DAB1: variants seen among roughly 807,000 people sequenced by gnomAD.
DAB1 encodes the protein DAB adaptor protein 1.
DAB1 carries 15 observed loss-of-function variants against 64.6 expected under a neutral mutation model. That is an observed-to-expected ratio of 0.23 (90% CI 0.16 to 0.36). The LOEUF is 0.36. Ranked by LOEUF, DAB1 falls within the 10% of genes least tolerant of loss-of-function variation. The probability of loss-of-function intolerance (pLI) is 1.00; values close to 1 mark genes in which losing one functional copy is unlikely to be tolerated. For synonymous variants in DAB1, 235 were observed against 251.9 expected, an observed-to-expected ratio of 0.93 and a Z score of 0.64; for missense variants, 596 against 706.7, an observed-to-expected ratio of 0.84 and a Z score of 1.78.
At chr1:57,144,074 A>T (rs1201159056) in intron 3 of DAB1, among the ~76,000 whole-genome samples, 1 of 151,862 alleles carries the variant, frequency 6.6e-6, no homozygotes. Flanking sequence ...GTAAAACCAC[A>T]AAAAGAACTT....
At position 57,583,429 on chromosome 1, in the gene DAB1, C is replaced by A. The variant is rs541703924; in HGVS notation, n.625+66163G>T. 3.9e-4 allele frequency among the ~76,000 whole-genome samples: 59 copies of A among 151,570 alleles called. No individual in the cohort carries two copies. The South Asian group carries it at 7.3e-3, about 19-fold the overall frequency. The stretch of plus-strand genomic sequence containing the variant: ...AGCCTCCCAAGTAGCTGGGACTACA[C>A]GCGCGCGCCAATATGCCCAGCTAAT... On this transcript the variant is annotated intron_variant and non_coding_transcript_variant, in intron 7 of 20. Transcript: ENST00000485760.
chr1:58,222,280 G>GA (rs200731496), intron 4 of DAB1, among the ~76,000 whole-genome samples: 47 of 148,862 alleles, frequency 3.2e-4, no homozygotes, highest in Admixed American at 8.0e-4. Flanking sequence ...TATACATTTT[G>GA]AAAAAAAAAA....
intron 5 of DAB1, among the ~76,000 whole-genome samples, chr1:57,936,711 A>T (rs1314243442): frequency 2.0e-5 from 3 of 151,578 alleles, no homozygotes; most frequent in Non-Finnish European, 2.9e-5. Context: ...TTTTAGATGG[A>T]GTCTCGCACT....
intron 7 of DAB1, among the ~76,000 whole-genome samples, chr1:57,530,537 T>C (rs989973676): frequency 6.6e-6 from 1 of 152,170 alleles, no homozygotes; most frequent in Non-Finnish European, 1.5e-5. Flanking sequence ...AAATTAAATA[T>C]GATATTTATG....
chr1:57,388,116 T>G (rs1682038353), intron 1 of DAB1, among the ~76,000 whole-genome samples: 1 of 152,228 alleles, frequency 6.6e-6, no homozygotes. Context: ...TATTCTTGCA[T>G]GCATTTTCCT....
intron 5 of DAB1, 48 bp from the exon 6 acceptor site, chr1:57,071,689 C>A (rs368753522): frequency 8.3e-6 from 13 of 1,569,162 alleles, no homozygotes; most frequent in Admixed American, 4.3e-5. Context: ...GGTACTGAGA[C>A]GCAGCAACAA....
intron 5 of DAB1, among the ~76,000 whole-genome samples, chr1:57,967,339 C>T (rs989452494): frequency 3.9e-5 from 6 of 152,144 alleles, no homozygotes; most frequent in Non-Finnish European, 8.8e-5. Context: ...AACAAGGAAG[C>T]CAGATGACCC....
chr1:58,066,849 T>C (rs945080402), intron 5 of DAB1, among the ~76,000 whole-genome samples: 4 of 152,218 alleles, frequency 2.6e-5, no homozygotes, highest in African/African-American at 9.7e-5. Context: ...GTCAGAGTGA[T>C]CTTTTCAAAA....
chr1:57,550,877 C>T (rs1015605924), intron 7 of DAB1, among the ~76,000 whole-genome samples: 2 of 152,170 alleles, frequency 1.3e-5, no homozygotes, highest in African/African-American at 4.8e-5. Flanking sequence ...AAATGAATAA[C>T]ATTTATAAAG....
At chr1:58,395,551 C>A (rs1644514239) in intron 3 of DAB1, among the ~76,000 whole-genome samples, 1 of 152,212 alleles carries the variant, frequency 6.6e-6, no homozygotes, top group Non-Finnish European at 1.5e-5. Flanking sequence ...GACTCACTTC[C>A]TTTTCCTTTC....
intron 6 of DAB1, among the ~76,000 whole-genome samples, chr1:57,738,865 C>T (rs1229536783): frequency 6.6e-6 from 1 of 152,112 alleles, no homozygotes; most frequent in Non-Finnish European, 1.5e-5. Context: ...ATTAGTTTTA[C>T]GATTTCAAAT....
At chr1:57,990,660 C>A (rs1646321117) in intron 5 of DAB1, among the ~76,000 whole-genome samples, 1 of 152,072 alleles carries the variant, frequency 6.6e-6, no homozygotes, top group Non-Finnish European at 1.5e-5. Context: ...GAGGACGGGA[C>A]AGAGTAGATA....
intron 4 of DAB1, among the ~76,000 whole-genome samples, chr1:58,178,836 A>G (rs2100779778): frequency 6.6e-6 from 1 of 152,324 alleles, no homozygotes; most frequent in East Asian, 1.9e-4. Flanking sequence ...TCCTGGCTAG[A>G]ATCTCCAGTA....
chr1:58,005,539 G>A (rs1490596581), intron 5 of DAB1, among the ~76,000 whole-genome samples: 3 of 151,340 alleles, frequency 2.0e-5, no homozygotes, highest in African/African-American at 4.9e-5. Context: ...ATATCCTCGT[G>A]GGGATCCTCA....
At position 57,176,970 on chromosome 1, in the gene DAB1, T is replaced by TACAAAAAA. The variant is rs146465598; in HGVS notation, c.68-31542_68-31541insTTTTTTGT. ...GATAAAAAAAAGAAGCAGCAGCAGATATAAAAAAAAAAAAAAAAAAAAGCC... is the reference window on the plus strand; with the variant it reads ...GATAAAAAAAAGAAGCAGCAGCAGATACAAAAAAATAAAAAAAAAAAAAAAAAAAAGCC... On this transcript the variant is annotated intron_variant, in intron 2 of 14. Coordinates refer to ENST00000371236, the MANE Select transcript of DAB1 (RefSeq NM_001365792.1). 6.1e-4 allele frequency among the ~76,000 whole-genome samples: 37 copies of TACAAAAAA among 61,018 alleles called. 5 individuals carry two copies. The highest frequency in any genetic ancestry group is 6.6e-4 in the African/African-American group (17 of 25,672). The allele number at this position is 61,018 out of a possible 152,430, so 40.0% of individuals were successfully genotyped here.
intron 4 of DAB1, among the ~76,000 whole-genome samples, chr1:57,103,955 A>C (rs1382667732): frequency 6.6e-6 from 1 of 152,150 alleles, no homozygotes; most frequent in African/African-American, 2.4e-5. Context: ...CAGATTTATC[A>C]TGAGTAGGTG....
At chr1:57,097,720 G>T (rs1320838152) in intron 4 of DAB1, among the ~76,000 whole-genome samples, 3 of 151,808 alleles carry the variant, frequency 2.0e-5, no homozygotes, top group African/African-American at 7.3e-5. Flanking sequence ...TAAAGGACAT[G>T]GTTAACTACC....
chr1:58,003,529 A>C (rs555900521), intron 5 of DAB1, among the ~76,000 whole-genome samples: 4 of 152,312 alleles, frequency 2.6e-5, no homozygotes, highest in African/African-American at 9.6e-5. Flanking sequence ...TCATTAACCC[A>C]GCTTGTTAGG....
chr1:58,118,810 C>T (rs1435584153), intron 5 of DAB1, among the ~76,000 whole-genome samples: 2 of 151,510 alleles, frequency 1.3e-5, no homozygotes, highest in Non-Finnish European at 2.9e-5. Flanking sequence ...AGACCACATA[C>T]CTCGGAAATA....
Sources: allele counts gnomAD v4.1 joint callset (sites outside exome capture counted in the v4.1 genomes callset), GRCh38; gene constraint gnomAD v4.1.1; transcripts MANE v1.5; gene names NCBI Gene and HGNC (gene_info 2026-07-23, HGNC 2026-07-21).